ERI3: variants seen among roughly 807,000 people sequenced by gnomAD.
ERI3 encodes the protein ERI1 exoribonuclease family member 3, also known as ERI1 exoribonuclease 3.
Under a neutral mutation model 44.4 loss-of-function variants are expected in ERI3, and 18 were observed. The ratio of observed to expected loss-of-function variants is 0.41; its 90% CI spans 0.28 to 0.60. The LOEUF (loss-of-function observed/expected upper bound fraction) is 0.60, where lower values mean the gene tolerates loss of function less well. Ranked by LOEUF, ERI3 falls within the 20% of genes least tolerant of loss-of-function variation. ERI3 has a pLI of 0.36. For synonymous variants in ERI3, 183 were observed against 164.8 expected (o/e 1.11, Z -0.84); for missense variants, 294 against 435.5 (o/e 0.68, Z 2.89).
intron 6 of ERI3, among the ~76,000 whole-genome samples, chr1:44,304,998 G>A (rs1378951084): frequency 1.3e-5 from 2 of 152,154 alleles, no homozygotes; most frequent in Non-Finnish European, 2.9e-5. Context: ...CAGACTCTGA[G>A]CAGGCCCCTG....
At chr1:44,287,198 C>T (rs542490637) in intron 6 of ERI3, among the ~76,000 whole-genome samples, 1 of 152,328 alleles carries the variant, frequency 6.6e-6, no homozygotes, top group South Asian at 2.1e-4. Context: ...CACAAGTAAT[C>T]TTGGCGAAAG....
chr1:44,335,435 C>A (rs566758363), intron 3 of ERI3, among the ~76,000 whole-genome samples: 34 of 151,960 alleles, frequency 2.2e-4, no homozygotes, highest in African/African-American at 8.2e-4. Flanking sequence ...ATAAGCCCAG[C>A]CCTACTCCCA....
At chr1:44,282,519 C>G (rs1403286550) in intron 7 of ERI3, among the ~76,000 whole-genome samples, 4 of 152,170 alleles carry the variant, frequency 2.6e-5, no homozygotes, top group African/African-American at 9.7e-5. Context: ...TATCATTACT[C>G]TTTTTAAGCA....
At chr1:44,266,811 G>A (rs1055774128) in intron 7 of ERI3, among the ~76,000 whole-genome samples, 5 of 152,332 alleles carry the variant, frequency 3.3e-5, no homozygotes, top group East Asian at 1.9e-4. Context: ...GAGGGTCCCC[G>A]TCTGATCTCT....
intron 7 of ERI3, among the ~76,000 whole-genome samples, chr1:44,251,274 G>C (rs763057381): frequency 7.2e-5 from 11 of 152,262 alleles, no homozygotes; most frequent in Non-Finnish European, 1.6e-4. Flanking sequence ...GCAGGCCATG[G>C]AGTGGCCCAA....
intron 7 of ERI3, among the ~76,000 whole-genome samples, chr1:44,257,855 G>A (rs942825877): frequency 1.3e-5 from 2 of 152,064 alleles, no homozygotes; most frequent in Non-Finnish European, 2.9e-5. Flanking sequence ...CAATCCTCTC[G>A]CAGAAGCTGG....
chr1:44,342,828 T>TATATAA (rs71036675), intron 2 of ERI3, among the ~76,000 whole-genome samples: 572 of 18,632 alleles, frequency 0.031, 41 homozygotes, highest in South Asian at 0.079. Context: ...TATATATATA[T>TATATAA]ATATATATAT....
intron 2 of ERI3, among the ~76,000 whole-genome samples, chr1:44,350,118 G>T (rs1396666313): frequency 6.6e-6 from 1 of 152,170 alleles, no homozygotes; most frequent in Non-Finnish European, 1.5e-5. Context: ...TTCCTGGAAA[G>T]CTTAGGAAAA....
At chr1:44,271,643 T>C (rs910266758) in intron 7 of ERI3, among the ~76,000 whole-genome samples, 1 of 152,224 alleles carries the variant, frequency 6.6e-6, no homozygotes, top group Non-Finnish European at 1.5e-5. Flanking sequence ...GAGGATTAAG[T>C]GAGTTAATTC....
At chr1:44,287,011 C>T (rs1201911818) in intron 6 of ERI3, among the ~76,000 whole-genome samples, 1 of 152,214 alleles carries the variant, frequency 6.6e-6, no homozygotes, top group Admixed American at 6.5e-5. Flanking sequence ...GCTCTTTTGA[C>T]CCCACTTCAT....
chr1:44,276,208 T>C (rs758173514), intron 7 of ERI3, among the ~76,000 whole-genome samples: 10 of 152,210 alleles, frequency 6.6e-5, no homozygotes, highest in Non-Finnish European at 1.2e-4. Flanking sequence ...TTTGGTCCCA[T>C]CTCGAACATT....
chr1:44,334,472 T>C (rs112235617), intron 3 of ERI3, among the ~76,000 whole-genome samples: 3 of 152,196 alleles, frequency 2.0e-5, no homozygotes, highest in Non-Finnish European at 4.4e-5. Flanking sequence ...GATAAAAAAC[T>C]GCTTCTATGT....
chr1:44,273,609 G>T (rs981880229), intron 7 of ERI3, among the ~76,000 whole-genome samples: 3 of 152,220 alleles, frequency 2.0e-5, no homozygotes, highest in African/African-American at 7.2e-5. Flanking sequence ...GTGGTATATT[G>T]ACTTCAGTGA....
chr1:44,225,296 T>C (rs1228402541), intron 8 of ERI3, among the ~76,000 whole-genome samples: 4 of 152,116 alleles, frequency 2.6e-5, no homozygotes, highest in Non-Finnish European at 5.9e-5. Context: ...TTTTGTTTCA[T>C]TTTGTCTTGC....
intron 6 of ERI3, among the ~76,000 whole-genome samples, chr1:44,305,047 C>T (rs1311053599): frequency 2.0e-5 from 3 of 152,166 alleles, no homozygotes; most frequent in Non-Finnish European, 1.5e-5. Context: ...GATTATCCTA[C>T]CCTCTCCAAA....
At chr1:44,318,751 A>G (rs1312400515) in intron 4 of ERI3, among the ~76,000 whole-genome samples, 3 of 152,204 alleles carry the variant, frequency 2.0e-5, no homozygotes, top group Non-Finnish European at 4.4e-5. Context: ...ATTCACATGT[A>G]GAAGATAGGT....
intron 1 of ERI3, chr1:44,353,547 T>C: frequency 1.0e-6 from 1 of 985,468 alleles, no homozygotes; most frequent in Non-Finnish European, 1.2e-6. Flanking sequence ...TTGGAACTAA[T>C]ATATTCCTGT....
intron 8 of ERI3, among the ~76,000 whole-genome samples, chr1:44,223,865 G>A (rs904653695): frequency 1.1e-4 from 16 of 152,118 alleles, no homozygotes; most frequent in Non-Finnish European, 1.3e-4. Context: ...TCAGCTACCC[G>A]CTAAAGATCA....
intron 4 of ERI3, among the ~76,000 whole-genome samples, chr1:44,317,882 C>CA (rs965521134): frequency 6.6e-6 from 1 of 151,720 alleles, no homozygotes; most frequent in Non-Finnish European, 1.5e-5. Context: ...TGAGGCTGGC[C>CA]AAAAAAGGAT....
Sources: allele counts gnomAD v4.1 joint callset (sites outside exome capture counted in the v4.1 genomes callset), GRCh38; gene constraint gnomAD v4.1.1; transcripts MANE v1.5; gene names NCBI Gene and HGNC (gene_info 2026-07-23, HGNC 2026-07-21).